Variants in TTLL12 observed in about 807,000 individuals in gnomAD.
TTLL12 encodes the protein tubulin--tyrosine ligase-like protein 12.
Under a neutral mutation model 79.6 loss-of-function variants are expected in TTLL12, and 77 were observed. The ratio of observed to expected loss-of-function variants is 0.97; its 90% CI spans 0.81 to 1.17. The LOEUF (loss-of-function observed/expected upper bound fraction) is 1.17. Ranked by LOEUF, TTLL12 falls within the 50% of genes most tolerant of loss-of-function variation. The pLI, the probability that TTLL12 is intolerant of heterozygous loss-of-function variation, is 0.00. For synonymous variants in TTLL12, 437 were observed against 376.1 expected, an observed-to-expected ratio of 1.16 and a Z score of -1.87; for missense variants, 969 against 895.9, an observed-to-expected ratio of 1.08 and a Z score of -1.04.
In TTLL12 at chr22:43,178,921, G is replaced by A. The variant is rs528523781; in HGVS notation, c.840+698C>T. On this transcript the variant is annotated intron_variant, in intron 5 of 13. Transcript: ENST00000216129. The stretch of plus-strand genomic sequence containing the variant: ...TAAGCACAGGCTCCCTTGTAGGCTG[G>A]TTCCAGCCTACGGAAGCAGCAGCAG... 4.6e-5 allele frequency among the ~76,000 whole-genome samples: 7 copies of A among 152,322 alleles called. No individual in the cohort carries two copies. The East Asian group carries it at 1.2e-3, about 25-fold the overall frequency.
At chr22:43,186,870 G>A (rs1476735662) in intron 1 of TTLL12, 23 bp downstream of exon 1, 17 of 1,253,888 alleles carry the variant, frequency 1.4e-5, no homozygotes, top group South Asian at 5.4e-5. Flanking sequence ...GCCGCCGCAC[G>A]TGCCCGCCGC....
chr22:43,178,721 C>A (rs565595271), intron 5 of TTLL12, among the ~76,000 whole-genome samples: 2 of 152,220 alleles, frequency 1.3e-5, no homozygotes, highest in South Asian at 4.1e-4. Flanking sequence ...TGACTTCAGT[C>A]GCCGTGGGGG....
chr22:43,183,006 G>A lies in TTLL12; in HGVS notation c.321C>T (p.Ser107=), dbSNP rs75721440. The change falls in exon 2 of 14, where the codon AGC becomes AGT. Residue 107 remains serine (S), a synonymous_variant. Transcript: ENST00000216129. ...LCYKVIVTRE[S]GLQAAHPNSI... is the part of the protein sequence containing the mutation. ...TGTTGGGGTGGGCTGCCTGGAGCCC[G>A]CTCTCCCTGGTCACGATGACCTTGT... 4.5e-3 allele frequency: 7,249 copies of A among 1,613,666 alleles called. 293 individuals carry two copies. In the African/African-American group the frequency reaches 0.085, roughly 19 times the overall value.
Position 43,173,821 on chromosome 22 carries a change from T to C in TTLL12, c.1235A>G (p.Glu412Gly). Residue 412 changes from glutamate to glycine, a missense_variant, in exon 9 of 14, where the codon GAG becomes GGG. Coordinates refer to ENST00000216129, the MANE Select transcript of TTLL12 (RefSeq NM_015140.4). ...SYFQQRERWG[E>G]DNHWICKPWN... ...GGGCTTGCAGATCCAGTGGTTGTCCTCGCCCCTGGGGAGCAGAAGGGCTGT... is the reference window on the plus strand; with the variant it reads ...GGGCTTGCAGATCCAGTGGTTGTCCCCGCCCCTGGGGAGCAGAAGGGCTGT... 1 of 1,602,956 alleles carries C rather than the reference T, an allele frequency of 6.2e-7. No individual in the cohort carries two copies. The highest frequency in any genetic ancestry group is 8.5e-7 in the Non-Finnish European group (1 of 1,179,684).
intron 1 of TTLL12, 141 bp from the exon 2 acceptor site, chr22:43,183,290 T>A: frequency 9.9e-7 from 1 of 1,007,190 alleles, no homozygotes; most frequent in Non-Finnish European, 1.5e-6. Context: ...GGGACCTGTT[T>A]AATGCAACCA....
At chr22:43,185,005 G>A (rs1025036778) in intron 1 of TTLL12, among the ~76,000 whole-genome samples, 3 of 152,108 alleles carry the variant, frequency 2.0e-5, no homozygotes, top group South Asian at 2.1e-4. Flanking sequence ...CAAAGCGGGC[G>A]GATCACGAGG....
intron 5 of TTLL12, 34 bp from the exon 6 acceptor site, chr22:43,176,430 T>C (rs773821458): frequency 1.3e-6 from 2 of 1,564,042 alleles, no homozygotes; most frequent in Non-Finnish European, 8.7e-7. Flanking sequence ...AGAGATGAGG[T>C]CAAGGAAGGG....
intron 5 of TTLL12, among the ~76,000 whole-genome samples, chr22:43,179,234 G>C (rs1219087998): frequency 6.6e-6 from 1 of 152,172 alleles, no homozygotes; most frequent in East Asian, 1.9e-4. Context: ...TAACTCGCAG[G>C]CCTGCAGAGG....
intron 11 of TTLL12, among the ~76,000 whole-genome samples, chr22:43,170,781 C>T (rs56346313): frequency 0.036 from 5,483 of 152,194 alleles, 335 homozygotes; most frequent in African/African-American, 0.13. Context: ...GGCGTGGAGG[C>T]ACGTGCCCGT....
intron 6 of TTLL12, among the ~76,000 whole-genome samples, chr22:43,175,117 A>G (rs1346377235): frequency 6.6e-6 from 1 of 152,142 alleles, no homozygotes; most frequent in African/African-American, 2.4e-5. Flanking sequence ...GCAGGGAGGA[A>G]AGCCCTCAGG....
At chr22:43,179,812 C>T (rs530562555) in intron 4 of TTLL12, 29 bp downstream of exon 4, 2 of 1,557,580 alleles carry the variant, frequency 1.3e-6, no homozygotes, top group East Asian at 2.3e-5. Context: ...TGAGGCCCCT[C>T]CTCCAGGGCG....
intron 1 of TTLL12, among the ~76,000 whole-genome samples, chr22:43,184,745 G>C (rs908233377): frequency 7.2e-5 from 11 of 152,220 alleles, no homozygotes; most frequent in African/African-American, 2.2e-4. Flanking sequence ...ATCCCTAGGG[G>C]ACAGCGTGAG....
At position 43,176,337 on chromosome 22, in the gene TTLL12, G is replaced by A. The variant is rs373428660; in HGVS notation, c.900C>T (p.Pro300=). ...LPLDINPVVH[P]HGHIFKVYTD... is the part of the protein sequence containing the mutation. ...CTACGCACTTGAAGATGTGGCCGTG[G>A]GGGTGCACCACGGGGTTGATGTCAA... Residue 300 remains proline (P), a synonymous_variant, in exon 6 of 14, where the codon CCC becomes CCT. Transcript: ENST00000216129. 71 of 1,601,674 alleles carry A rather than the reference G, an allele frequency of 4.4e-5. No individual in the cohort carries two copies. Among genetic ancestry groups the A allele is most frequent in the Non-Finnish European group, 5.8e-5 (68 of 1,175,580 alleles).
In TTLL12 at chr22:43,187,049, G is replaced by A; in HGVS notation, c.21C>T (p.Pro7=). ...TGCTACGCTCCGCAGGCCGGCGCTC[G>A]GGACCCCGCTCGGCCTCCATGGCGC... The part of the protein sequence containing the change: MEAERG[P]ERRPAERSSP... Residue 7 remains proline (P), a synonymous_variant, in exon 1 of 14, where the codon CCC becomes CCT. Transcript: ENST00000216129. 8.4e-7 allele frequency: 1 copy of A among 1,191,770 alleles called. No homozygotes were observed. Among genetic ancestry groups the A allele is most frequent in the African/African-American group, 1.6e-5 (1 of 61,936 alleles). The allele number at this position is 1,191,770 out of a possible 1,614,324, so 73.8% of individuals were successfully genotyped here. A position where few individuals can be genotyped will look rare whatever the true frequency, so the allele number is the denominator to read the frequency against.
chr22:43,172,341 C>T, intron 10 of TTLL12, 62 bp downstream of exon 10: 2 of 1,594,662 alleles, frequency 1.3e-6, no homozygotes, highest in Non-Finnish European at 1.7e-6. Flanking sequence ...CCATCACCCA[C>T]CCGCTACCTC....
chr22:43,180,687 G>A (rs1000724992), intron 3 of TTLL12, 55 bp downstream of exon 3: 7 of 1,580,688 alleles, frequency 4.4e-6, no homozygotes, highest in South Asian at 2.3e-5. Context: ...CAGGGCAGCG[G>A]AGGTCTGTGC....
Position 43,167,200 on chromosome 22 carries a change from G to T in TTLL12, c.*808C>A. The T allele has an allele frequency of 1.9e-6, 1 of 532,060 alleles. No individual in the cohort carries two copies. The highest frequency in any genetic ancestry group is 1.4e-5 in the South Asian group (1 of 71,274). The allele number at this position is 532,060 out of a possible 1,614,324, so 33.0% of individuals were successfully genotyped here. ...CCGCCCACAATCAGCCCCAGCCCCA[G>T]GCGCCCCTTGCCGAAGGATCCTGGC... is the stretch of plus-strand genomic sequence containing the variant. On this transcript the variant is annotated 3_prime_UTR_variant, in exon 14 of 14. Coordinates refer to ENST00000216129, the MANE Select transcript of TTLL12 (RefSeq NM_015140.4).
Position 43,168,173 on chromosome 22 carries a change from G to A in TTLL12, c.1784-14C>T. 2 of 1,613,094 alleles carry A rather than the reference G, an allele frequency of 1.2e-6. No homozygotes were observed. Among genetic ancestry groups the A allele is most frequent in the Admixed American group, 1.7e-5 (1 of 59,986 alleles). On this transcript the variant is annotated splice_polypyrimidine_tract_variant and intron_variant, in intron 13 of 13. Transcript: ENST00000216129. ...TCACCCGCCTTCCTGATGGCAAAGA[G>A]CGCAGCAGAGTGTGAAGGCTCGTTG...
chr22:43,171,729 C>G, intron 11 of TTLL12, 90 bp downstream of exon 11: 2 of 1,108,832 alleles, frequency 1.8e-6, no homozygotes, highest in Non-Finnish European at 2.7e-6. Flanking sequence ...GCCTGTGTGC[C>G]AGTCCTCCTA....
Sources: allele counts gnomAD v4.1 joint callset (sites outside exome capture counted in the v4.1 genomes callset), GRCh38; gene constraint gnomAD v4.1.1; transcripts MANE v1.5; gene names NCBI Gene and HGNC (gene_info 2026-07-23, HGNC 2026-07-21).